The following ZHX3 variants were observed in gnomAD, a reference collection of about 807,000 sequenced individuals.
ZHX3 encodes zinc fingers and homeoboxes 3, also known as zinc fingers and homeoboxes protein 3.
Under a neutral mutation model 64.5 loss-of-function variants are expected in ZHX3, and 20 were observed. The observed-to-expected ratio is 0.31, with a 90% CI of 0.22 to 0.45. The LOEUF (loss-of-function observed/expected upper bound fraction) is 0.45, where lower values mean the gene tolerates loss of function less well. Ranked by LOEUF, ZHX3 falls within the 20% of genes least tolerant of loss-of-function variation. ZHX3 has a pLI of 1.00. For missense variants in ZHX3, 1,041 were observed against 1,195.8 expected (o/e 0.87, Z 1.91); for synonymous variants, 423 against 461.6 (o/e 0.92, Z 1.07).
intron 1 of ZHX3, among the ~76,000 whole-genome samples, chr20:41,314,987 A>AGG (rs1296825352): frequency 6.6e-6 from 1 of 152,212 alleles, no homozygotes; most frequent in Admixed American, 6.5e-5. Context: ...ACAAATAAAT[A>AGG]TGTATTACCA....
chr20:41,196,454 A>ATT (rs1568796941), intron 3 of ZHX3, among the ~76,000 whole-genome samples: 3 of 30,822 alleles, frequency 9.7e-5, no homozygotes, highest in East Asian at 4.9e-3. Flanking sequence ...TATATATAAT[A>ATT]TATTTATATA....
intron 1 of ZHX3, among the ~76,000 whole-genome samples, chr20:41,296,445 T>A (rs369732426): frequency 2.6e-5 from 4 of 152,178 alleles, no homozygotes; most frequent in African/African-American, 9.6e-5. Context: ...TGAGCTCAAG[T>A]TTTCCACATC....
intron 1 of ZHX3, chr20:41,272,327 G>A (rs947446906): frequency 6.6e-6 from 1 of 152,198 alleles, no homozygotes; most frequent in African/African-American, 2.4e-5. Context: ...AGTTATCTGT[G>A]AGATCACAGA....
At chr20:41,253,047 C>T (rs2146518279) in intron 2 of ZHX3, among the ~76,000 whole-genome samples, 1 of 152,276 alleles carries the variant, frequency 6.6e-6, no homozygotes, top group African/African-American at 2.4e-5. Flanking sequence ...AAACCAAAGC[C>T]AACCTTGACC....
chr20:41,245,407 G>A (rs1390216367), intron 2 of ZHX3, among the ~76,000 whole-genome samples: 2 of 152,188 alleles, frequency 1.3e-5, no homozygotes, highest in African/African-American at 4.8e-5. Flanking sequence ...CATTAGAGCA[G>A]AGGGGCTCTA....
chr20:41,201,975 G>A lies in ZHX3; in HGVS notation c.2860+82C>T, dbSNP rs1384690759. ...AGCCTTAGAGACAGCAGATGCCCCTGTGCAGTAAATTCAGTGCCCAACCAT... is the reference window on the plus strand; with the variant it reads ...AGCCTTAGAGACAGCAGATGCCCCTATGCAGTAAATTCAGTGCCCAACCAT... On this transcript the variant is annotated intron_variant, in intron 3 of 3. Transcript: ENST00000683867. This position sits in a 1 kb window ranked among gnomAD's most constrained non-coding sequence, Gnocchi z 5.0. 8.9e-6 allele frequency: 13 copies of A among 1,462,398 alleles called. No individual in the cohort carries two copies. The highest frequency in any genetic ancestry group is 1.2e-5 in the Non-Finnish European group (13 of 1,103,884). 90.6% of individuals were successfully genotyped at this position (1,462,398 alleles called of 1,614,324 possible). A position where few individuals can be genotyped will look rare whatever the true frequency, so the allele number is the denominator to read the frequency against.
At chr20:41,231,506 G>A (rs1162539018) in intron 2 of ZHX3, among the ~76,000 whole-genome samples, 1 of 152,182 alleles carries the variant, frequency 6.6e-6, no homozygotes, top group Non-Finnish European at 1.5e-5. Flanking sequence ...CTTTAGTGAA[G>A]CCTTTCTAAA....
chr20:41,206,507 G>A (rs1044444401), intron 2 of ZHX3, among the ~76,000 whole-genome samples: 8 of 152,326 alleles, frequency 5.3e-5, no homozygotes, highest in Admixed American at 4.6e-4. Context: ...CATGACGCAT[G>A]CACAAGCTTC....
chr20:41,267,912 T>C (rs1428676258), intron 2 of ZHX3, among the ~76,000 whole-genome samples: 6 of 152,236 alleles, frequency 3.9e-5, no homozygotes. Context: ...ACTTGTCTTA[T>C]GACATTTTTG....
intron 1 of ZHX3, among the ~76,000 whole-genome samples, chr20:41,276,555 C>CT (rs144273513): frequency 6.6e-6 from 1 of 152,184 alleles, no homozygotes; most frequent in Non-Finnish European, 1.5e-5. Context: ...ATGCTTAGCT[C>CT]TTTTTTTCTT....
At chr20:41,196,569 A>AT (rs2037710571) in intron 3 of ZHX3, 3 of 88,130 alleles carry the variant, frequency 3.4e-5, no homozygotes, top group South Asian at 2.8e-4. Flanking sequence ...TATATAATAT[A>AT]TATAAAAATA....
At chr20:41,193,719 T>G (rs1353011713) in intron 3 of ZHX3, among the ~76,000 whole-genome samples, 1 of 151,808 alleles carries the variant, frequency 6.6e-6, no homozygotes, top group Non-Finnish European at 1.5e-5. Context: ...TTTTGTTTTT[T>G]TTTTTTGAGA....
At chr20:41,225,035 C>G (rs867918555) in intron 2 of ZHX3, among the ~76,000 whole-genome samples, 1 of 152,204 alleles carries the variant, frequency 6.6e-6, no homozygotes, top group Non-Finnish European at 1.5e-5. Flanking sequence ...CAATGTCTGG[C>G]ACATAATAAT....
Position 41,202,357 on chromosome 20 carries a change from A to C in ZHX3, c.2560T>G (p.Tyr854Asp). ...TCATACAGCATCTTGTGTGTCATGT[A>C]ATAGTCCTGCAGGAGCTCCCGGTTG... ...PGNRELLQDY[Y>D]MTHKMLYEED... The change falls in exon 3 of 4, where the codon TAC (tyrosine) becomes GAC (aspartate). Residue 854 changes from tyrosine (Y) to aspartate (D), a missense_variant. This residue lies in a region of ZHX3 where 649 missense variants were observed against 739.8 expected (regional missense o/e 0.88). Coordinates refer to ENST00000683867, the MANE Select transcript of ZHX3 (RefSeq NM_001384317.1). The surrounding 1 kb of genome is among the most constrained non-coding windows in gnomAD (Gnocchi z 7.0). The C allele has an allele frequency of 6.2e-7, 1 of 1,614,132 alleles. No individual in the cohort carries two copies. Among genetic ancestry groups the C allele is most frequent in the Non-Finnish European group, 8.5e-7 (1 of 1,180,018 alleles).
chr20:41,300,077 T>C (rs535812286), intron 1 of ZHX3: 16 of 152,312 alleles, frequency 1.1e-4, no homozygotes, highest in African/African-American at 3.6e-4. Flanking sequence ...TTCAGTCTAT[T>C]TGCTGCCTTT....
chr20:41,187,829 TA>T (rs1292396461), intron 3 of ZHX3, among the ~76,000 whole-genome samples: 14 of 152,370 alleles, frequency 9.2e-5, no homozygotes, highest in Admixed American at 8.5e-4. Flanking sequence ...TACATGTGAA[TA>T]TTTTTTACAT....
At chr20:41,253,052 T>C (rs771775373) in intron 2 of ZHX3, among the ~76,000 whole-genome samples, 74 of 152,182 alleles carry the variant, frequency 4.9e-4, no homozygotes, top group Non-Finnish European at 9.6e-4. Context: ...AAAGCCAACC[T>C]TGACCTTAAG....
chr20:41,259,947 AAAT>A (rs2042471963), intron 2 of ZHX3, among the ~76,000 whole-genome samples: 1 of 152,192 alleles, frequency 6.6e-6, no homozygotes. Context: ...TGACTGGCAG[AAAT>A]AATTTAATGA....
intron 1 of ZHX3, among the ~76,000 whole-genome samples, chr20:41,297,232 T>C (rs2044577681): frequency 6.6e-6 from 1 of 152,184 alleles, no homozygotes; most frequent in South Asian, 2.1e-4. Context: ...TACTCCCAAG[T>C]ATTGATGATT....
Sources: gnomAD v4.1 joint callset for allele counts (sites outside exome capture counted in the v4.1 genomes callset) on GRCh38, gnomAD v4.1.1 for gene constraint, gnomAD v4.1.1 regional missense constraint, Gnocchi (gnomAD v3.1) non-coding constraint, MANE v1.5 for transcripts, NCBI Gene and HGNC (gene_info 2026-07-23, HGNC 2026-07-21) for gene names.